Variants in DEPDC1B observed in about 807,000 individuals in gnomAD.
DEPDC1B encodes the protein DEP domain containing 1B.
Under a neutral mutation model 66.5 loss-of-function variants are expected in DEPDC1B, and 51 were observed. The ratio of observed to expected loss-of-function variants is 0.77; its 90% CI spans 0.61 to 0.97. The LOEUF (loss-of-function observed/expected upper bound fraction) is 0.97, where lower values mean the gene tolerates loss of function less well. Ranked by LOEUF, DEPDC1B falls within the 50% of genes least tolerant of loss-of-function variation. DEPDC1B has a pLI of 0.00. For synonymous variants in DEPDC1B, 226 were observed against 223.6 expected (o/e 1.01, Z -0.10); for missense variants, 552 against 637.1 (o/e 0.87, Z 1.44).
At chr5:60,625,907 A>C (rs1187580799) in intron 7 of DEPDC1B, among the ~76,000 whole-genome samples, 1 of 151,980 alleles carries the variant, frequency 6.6e-6, no homozygotes, top group African/African-American at 2.4e-5. Flanking sequence ...TGTCTAATCT[A>C]CCCCTAATCC....
Position 60,599,239 on chromosome 5 carries a change from T to C in DEPDC1B, c.1264A>G (p.Met422Val). The C allele has an allele frequency of 2.5e-6, 4 of 1,604,728 alleles. No individual in the cohort carries two copies. The highest frequency in any genetic ancestry group is 3.4e-6 in the Non-Finnish European group (4 of 1,177,296). The change falls in exon 10 of 11, where the codon ATG becomes GTG. Residue 422 changes from methionine (M) to valine (V), a missense_variant. By Grantham distance (21) the Met-to-Val change is conservative (BLOSUM62 1). Coordinates refer to ENST00000265036, the MANE Select transcript of DEPDC1B (RefSeq NM_018369.3). ...RVQIKYPGAD[M>V]DITLSAPSFC... ...GATGGAGCAGATAAAGTGATATCCA[T>C]ATCAGCTCCTGGGTATTTTATCTGA...
chr5:60,644,012 T>C (rs1000612667), intron 5 of DEPDC1B, among the ~76,000 whole-genome samples: 1 of 152,190 alleles, frequency 6.6e-6, no homozygotes, highest in Non-Finnish European at 1.5e-5. Context: ...AGAAGTATTA[T>C]GCCATCTTCC....
intron 2 of DEPDC1B, among the ~76,000 whole-genome samples, chr5:60,651,564 A>G (rs1329132063): frequency 2.6e-5 from 4 of 151,958 alleles, no homozygotes. Context: ...AAAAAACTAA[A>G]AAAAACTACA....
intron 1 of DEPDC1B, among the ~76,000 whole-genome samples, chr5:60,694,416 A>G (rs548957465): frequency 1.3e-5 from 2 of 152,304 alleles, no homozygotes; most frequent in South Asian, 4.1e-4. Context: ...ATACTTGTTT[A>G]TATAACCTAA....
intron 6 of DEPDC1B, among the ~76,000 whole-genome samples, chr5:60,642,404 A>G (rs1336508513): frequency 6.6e-6 from 1 of 152,232 alleles, no homozygotes; most frequent in African/African-American, 2.4e-5. Flanking sequence ...TATGGAAATC[A>G]CATGCCTATG....
At chr5:60,690,173 A>C (rs999248916) in intron 1 of DEPDC1B, among the ~76,000 whole-genome samples, 1 of 152,254 alleles carries the variant, frequency 6.6e-6, no homozygotes, top group Non-Finnish European at 1.5e-5. Flanking sequence ...ACTTATAAAC[A>C]TAAGTATATT....
chr5:60,599,857 T>C (rs1430784775), intron 9 of DEPDC1B, among the ~76,000 whole-genome samples: 1 of 152,226 alleles, frequency 6.6e-6, no homozygotes. Context: ...GGTAAATCTC[T>C]GTTCAAAGCT....
intron 7 of DEPDC1B, among the ~76,000 whole-genome samples, chr5:60,613,525 C>G (rs1213061637): frequency 6.6e-6 from 1 of 152,062 alleles, no homozygotes; most frequent in African/African-American, 2.4e-5. Flanking sequence ...CGAACAGAAG[C>G]CATCACAAAG....
At chr5:60,697,005 T>A (rs958633404) in intron 1 of DEPDC1B, among the ~76,000 whole-genome samples, 1 of 152,220 alleles carries the variant, frequency 6.6e-6, no homozygotes, top group African/African-American at 2.4e-5. Context: ...CAATGAAAGC[T>A]GTATGTCTTT....
chr5:60,636,584 G>T (rs1753048754), intron 7 of DEPDC1B, among the ~76,000 whole-genome samples: 1 of 152,090 alleles, frequency 6.6e-6, no homozygotes, highest in South Asian at 2.1e-4. Flanking sequence ...ACCTACATAT[G>T]TAGATATTTA....
intron 6 of DEPDC1B, among the ~76,000 whole-genome samples, chr5:60,640,302 G>A (rs966904048): frequency 6.6e-6 from 1 of 152,044 alleles, no homozygotes; most frequent in African/African-American, 2.4e-5. Flanking sequence ...ATTACTCCCT[G>A]TCAGGATAAG....
chr5:60,695,436 G>C (rs926837969), intron 1 of DEPDC1B, among the ~76,000 whole-genome samples: 2 of 152,160 alleles, frequency 1.3e-5, no homozygotes, highest in African/African-American at 4.8e-5. Flanking sequence ...TGAACTCAGA[G>C]TGAATACTCA....
At chr5:60,633,978 G>T (rs965112858) in intron 7 of DEPDC1B, among the ~76,000 whole-genome samples, 2 of 152,164 alleles carry the variant, frequency 1.3e-5, no homozygotes, top group Non-Finnish European at 2.9e-5. Flanking sequence ...GTGAGACAGA[G>T]ACTTAAAGCT....
At position 60,614,954 on chromosome 5, in the gene DEPDC1B, G is replaced by A. The variant is rs192542315; in HGVS notation, c.899-9098C>T. Among the ~76,000 whole-genome samples the A allele has an allele frequency of 2.8e-3, 425 of 152,288 alleles. 9 individuals carry two copies. The highest frequency in any genetic ancestry group is 0.027 in the Middle Eastern group (8 of 294). ...TGCTGTCAGCCAAGATCATGTCACT[G>A]CACTACAGCCTGGGTGACAGAGCAA... On this transcript the variant is annotated intron_variant, in intron 7 of 10. Transcript: ENST00000265036.
At chr5:60,618,864 A>C (rs1172607262) in intron 7 of DEPDC1B, among the ~76,000 whole-genome samples, 1 of 152,232 alleles carries the variant, frequency 6.6e-6, no homozygotes, top group African/African-American at 2.4e-5. Context: ...AATATCCCTG[A>C]TGTACATCAA....
chr5:60,687,500 A>T (rs537579979), intron 1 of DEPDC1B, among the ~76,000 whole-genome samples: 1 of 151,866 alleles, frequency 6.6e-6, no homozygotes, highest in South Asian at 2.1e-4. Context: ...TATATTATAT[A>T]TATTTTACCA....
intron 3 of DEPDC1B, 96 bp downstream of exon 3, chr5:60,647,302 T>A: frequency 7.0e-7 from 1 of 1,432,682 alleles, no homozygotes; most frequent in Non-Finnish European, 9.2e-7. Context: ...ACCTTTAAAT[T>A]ATTGTTCATA....
chr5:60,631,434 TC>T (rs1225235713), intron 7 of DEPDC1B, among the ~76,000 whole-genome samples: 1 of 152,190 alleles, frequency 6.6e-6, no homozygotes, highest in East Asian at 1.9e-4. Context: ...GTTGTCAACT[TC>T]ATGTGACCCA....
intron 2 of DEPDC1B, among the ~76,000 whole-genome samples, chr5:60,672,258 T>C (rs369666855): frequency 8.5e-5 from 13 of 152,330 alleles, no homozygotes; most frequent in East Asian, 5.8e-4. Flanking sequence ...CAAGTTACAG[T>C]AGACTTGGTA....
Sources: gnomAD v4.1 joint callset for allele counts (sites outside exome capture counted in the v4.1 genomes callset) on GRCh38, gnomAD v4.1.1 for gene constraint, MANE v1.5 for transcripts, NCBI Gene and HGNC (gene_info 2026-07-23, HGNC 2026-07-21) for gene names.